NEK10: variants seen among roughly 807,000 people sequenced by gnomAD.
NEK10 encodes serine/threonine-protein kinase Nek10.
NEK10 carries 122 observed loss-of-function variants against 159.8 expected under a neutral mutation model. That is an observed-to-expected ratio of 0.76 (90% CI 0.66 to 0.89). The LOEUF (loss-of-function observed/expected upper bound fraction) is 0.89, where lower values mean the gene tolerates loss of function less well. Ranked by LOEUF, NEK10 falls within the 40% of genes least tolerant of loss-of-function variation. NEK10 has a pLI of 0.00. For synonymous variants in NEK10, 466 were observed against 457.1 expected, an observed-to-expected ratio of 1.02 and a Z score of -0.25; for missense variants, 1,342 against 1,323.1, an observed-to-expected ratio of 1.01 and a Z score of -0.22.
At chr3:27,198,505 TCAA>T (rs1455100874) in intron 25 of NEK10, among the ~76,000 whole-genome samples, 1 of 152,074 alleles carries the variant, frequency 6.6e-6, no homozygotes, top group Non-Finnish European at 1.5e-5. Context: ...CATCTGATCT[TCAA>T]CAAACCTGAC....
At chr3:27,146,041 C>G (rs1291965335) in intron 30 of NEK10, among the ~76,000 whole-genome samples, 1 of 152,176 alleles carries the variant, frequency 6.6e-6, no homozygotes, top group African/African-American at 2.4e-5. Context: ...CTTAAAAGGA[C>G]TGCTACTTTT....
chr3:27,123,103 G>A (rs560940221), intron 32 of NEK10, among the ~76,000 whole-genome samples: 3 of 152,284 alleles, frequency 2.0e-5, no homozygotes, highest in Admixed American at 6.5e-5. Flanking sequence ...TTTGCCCCCA[G>A]TGTATGTTGG....
intron 25 of NEK10, among the ~76,000 whole-genome samples, chr3:27,196,610 C>T (rs536192627): frequency 6.6e-6 from 1 of 152,270 alleles, no homozygotes; most frequent in Admixed American, 6.5e-5. Flanking sequence ...AGTATGTTAA[C>T]CCCAAGAGTC....
At position 27,291,534 on chromosome 3, in the gene NEK10, G is replaced by A. The variant is rs751303269; in HGVS notation, c.1426C>T (p.Arg476Cys). 1.2e-5 allele frequency: 20 copies of A among 1,610,620 alleles called. No individual in the cohort carries two copies. Among genetic ancestry groups the A allele is most frequent in the Admixed American group, 1.7e-5 (1 of 60,000 alleles). The change falls in exon 17 of 36, where the codon CGT (arginine) becomes TGT (cysteine). Residue 476 changes from arginine (R) to cysteine (C), a missense_variant. By Grantham distance (180) the Arg-to-Cys change is radical. Coordinates refer to ENST00000691995, the MANE Select transcript of NEK10 (RefSeq NM_001394966.1). ...AATTCTTCATAAGCACTGATATCAC[G>A]TACATAATGCCCTATGTCAATGAAG... Reference protein sequence around the residue: ...EIFIDIGHYVRDISAYEELVS... With the variant: ...EIFIDIGHYVCDISAYEELVS...
intron 29 of NEK10, among the ~76,000 whole-genome samples, chr3:27,169,407 C>T (rs1234840838): frequency 2.6e-5 from 4 of 152,136 alleles, no homozygotes; most frequent in Non-Finnish European, 5.9e-5. Context: ...CTGACCATGA[C>T]TCCTCTGCAC....
At chr3:27,359,828 A>T (rs760734492) in intron 1 of NEK10, among the ~76,000 whole-genome samples, 1 of 152,230 alleles carries the variant, frequency 6.6e-6, no homozygotes, top group African/African-American at 2.4e-5. Context: ...TCACCACTTC[A>T]GCAGTTTATG....
At chr3:27,290,994 T>A (rs1419716224) in intron 18 of NEK10, among the ~76,000 whole-genome samples, 1 of 152,248 alleles carries the variant, frequency 6.6e-6, no homozygotes, top group Non-Finnish European at 1.5e-5. Flanking sequence ...AGAGATTGCA[T>A]CATGCATTGG....
At chr3:27,365,141 TAAAG>T (rs1489849326) in intron 1 of NEK10, among the ~76,000 whole-genome samples, 2 of 152,244 alleles carry the variant, frequency 1.3e-5, no homozygotes, top group African/African-American at 2.4e-5. Context: ...ACTTCTTTAA[TAAAG>T]AAATATTATT....
intron 13 of NEK10, among the ~76,000 whole-genome samples, chr3:27,301,016 C>T (rs1013262836): frequency 2.6e-5 from 4 of 152,184 alleles, no homozygotes; most frequent in Admixed American, 6.5e-5. Context: ...TCAGAGTCTC[C>T]CTGTCTCCTG....
intron 23 of NEK10, among the ~76,000 whole-genome samples, chr3:27,243,853 G>C (rs1374205574): frequency 6.7e-6 from 1 of 150,322 alleles, no homozygotes; most frequent in Non-Finnish European, 1.5e-5. Context: ...GTGTGTGTGT[G>C]TGTGTGTGTG....
chr3:27,259,139 T>C (rs1291303974), intron 22 of NEK10, among the ~76,000 whole-genome samples: 1 of 152,138 alleles, frequency 6.6e-6, no homozygotes, highest in African/African-American at 2.4e-5. Flanking sequence ...GATGAGTAGA[T>C]TGCAAAAATT....
rs760575796 is a variant in NEK10, at chr3:27,304,995, G to C, written c.804-24C>G. On this transcript the variant is annotated intron_variant, in intron 11 of 35. Transcript: ENST00000691995. Reference sequence around the variant, plus strand: ...GTCTGAAAGGGGTACAGAGGGTGGGGTGAGAATCACAGCATCATGAGTTGA... The same window carrying C: ...GTCTGAAAGGGGTACAGAGGGTGGGCTGAGAATCACAGCATCATGAGTTGA... 1.1e-4 allele frequency: 155 copies of C among 1,438,236 alleles called. 3 individuals carry two copies. In the South Asian group the frequency reaches 1.5e-3, roughly 14 times the overall value. 89.1% of individuals were successfully genotyped at this position (1,438,236 alleles called of 1,614,324 possible). A position where few individuals can be genotyped will look rare whatever the true frequency, so the allele number is the denominator to read the frequency against.
chr3:27,122,953 A>G (rs181185079), intron 32 of NEK10, among the ~76,000 whole-genome samples: 9 of 152,272 alleles, frequency 5.9e-5, no homozygotes, highest in African/African-American at 2.2e-4. Context: ...TCTTAGAGAG[A>G]TCGGCACACG....
intron 23 of NEK10, among the ~76,000 whole-genome samples, chr3:27,203,007 T>C (rs929354649): frequency 1.9e-4 from 29 of 152,194 alleles, no homozygotes; most frequent in Admixed American, 1.0e-3. Context: ...GACAATAACC[T>C]GATTAGAGCC....
Position 27,291,481 on chromosome 3 carries a change from T to C in NEK10, c.1476+3A>G, listed in dbSNP as rs761717437. 24 of 1,603,676 alleles carry C rather than the reference T, an allele frequency of 1.5e-5. No homozygotes were observed. The highest frequency in any genetic ancestry group is 1.7e-5 in the Non-Finnish European group (20 of 1,170,600). ...GCCAAAATATTGAAAACTCAGGACT[T>C]ACCACTAATAAATTCAGCTTGGATA... On this transcript the variant is annotated splice_donor_region_variant and intron_variant, in intron 17 of 35. Transcript: ENST00000691995.
chr3:27,112,756 C>T (rs1167477361), intron 35 of NEK10, among the ~76,000 whole-genome samples: 1 of 152,158 alleles, frequency 6.6e-6, no homozygotes, highest in Non-Finnish European at 1.5e-5. Context: ...ATATATGTGG[C>T]CATGAAACTT....
intron 20 of NEK10, among the ~76,000 whole-genome samples, chr3:27,285,519 CAAAAAAAAA>C (rs5847456): frequency 1.5e-5 from 2 of 132,020 alleles, no homozygotes; most frequent in Non-Finnish European, 3.5e-5. Context: ...CTTTCAAAAG[CAAAAAAAAA>C]AAAACAAACA....
intron 30 of NEK10, among the ~76,000 whole-genome samples, chr3:27,159,446 T>C (rs1299380863): frequency 6.6e-6 from 1 of 152,166 alleles, no homozygotes; most frequent in Non-Finnish European, 1.5e-5. Flanking sequence ...AAAATTATAG[T>C]ACATATAGTT....
chr3:27,108,473 C>T lies in NEK10; in HGVS notation c.*2799G>A, dbSNP rs938032006. On this transcript the variant is annotated 3_prime_UTR_variant, in exon 36 of 36. Coordinates refer to ENST00000691995, the MANE Select transcript of NEK10 (RefSeq NM_001394966.1). ...AAAGCAAATTAAGGTTTCAAGTACACATAATTCAGAAAGAGCTGGTGGGTC... is the reference window on the plus strand; with the variant it reads ...AAAGCAAATTAAGGTTTCAAGTACATATAATTCAGAAAGAGCTGGTGGGTC... Among the ~76,000 whole-genome samples the T allele has an allele frequency of 1.3e-5, 2 of 152,166 alleles. No homozygotes were observed. The highest frequency in any genetic ancestry group is 4.8e-5 in the African/African-American group (2 of 41,458).
Sources: allele counts gnomAD v4.1 joint callset (sites outside exome capture counted in the v4.1 genomes callset), GRCh38; gene constraint gnomAD v4.1.1; transcripts MANE v1.5; gene names NCBI Gene and HGNC (gene_info 2026-07-23, HGNC 2026-07-21).